The following TMEM132B variants were observed in gnomAD, a reference collection of about 807,000 sequenced individuals.
TMEM132B encodes the protein transmembrane protein 132B.
In TMEM132B, 18 loss-of-function variants were observed where a neutral mutation model predicts 90.8. The observed-to-expected ratio is 0.20, with a 90% confidence interval of 0.14 to 0.29. The LOEUF is 0.29. TMEM132B is among the 10% of genes least tolerant of loss of function. The pLI is 1.00. For missense variants in TMEM132B, 1,096 were observed against 1,326.8 expected, an observed-to-expected ratio of 0.83 and a Z score of 2.70; for synonymous variants, 504 against 523.3, an observed-to-expected ratio of 0.96 and a Z score of 0.50.
chr12:125,369,880 C>T (rs1189547293), intron 2 of TMEM132B, among the ~76,000 whole-genome samples: 1 of 152,046 alleles, frequency 6.6e-6, no homozygotes, highest in Admixed American at 6.5e-5. Context: ...GAAACCCTGT[C>T]TCTACTAAAA....
At chr12:125,515,782 C>T (rs1883133944) in intron 3 of TMEM132B, among the ~76,000 whole-genome samples, 1 of 151,312 alleles carries the variant, frequency 6.6e-6, no homozygotes, top group African/African-American at 2.4e-5. Context: ...ATTTGCACAT[C>T]TCTTTCACAT....
In TMEM132B at chr12:125,429,515, T is replaced by C. The variant is rs374930648; in HGVS notation, c.1106+13838T>C. Among the ~76,000 whole-genome samples the C allele has an allele frequency of 5.9e-5, 9 of 152,138 alleles. No homozygotes were observed. In the East Asian group the frequency reaches 1.7e-3, roughly 29 times the overall value. On this transcript the variant is annotated intron_variant, in intron 3 of 8. Transcript: ENST00000682704. ...GCCACCGTGCCCGGCCCTAATGTCC[T>C]CTTTCTGTTCTAGGATCCCACATGA...
rs116173185 is a variant in TMEM132B, at chr12:125,344,718, T to C, written c.68-4734T>C. Reference sequence around the variant, plus strand: ...GCATGAGTGGAATGGCTGAAGTTGCTGGTCAGCTCAGAGAAGGTGTCTCTG... The same window carrying C: ...GCATGAGTGGAATGGCTGAAGTTGCCGGTCAGCTCAGAGAAGGTGTCTCTG... On this transcript the variant is annotated intron_variant, in intron 1 of 8. Coordinates refer to ENST00000682704, the MANE Select transcript of TMEM132B (RefSeq NM_001366854.1). 7.5e-3 allele frequency among the ~76,000 whole-genome samples: 1,139 copies of C among 152,228 alleles called. 22 individuals carry two copies. Among genetic ancestry groups the C allele is most frequent in the South Asian group, 0.051 (244 of 4,810 alleles).
In TMEM132B at chr12:125,653,989, G is replaced by A. The variant is rs773624804; in HGVS notation, c.2531G>A (p.Gly844Asp). Residue 844 changes from glycine (G) to aspartate (D), a missense_variant, in exon 9 of 9, where the codon GGC (glycine) becomes GAC (aspartate). Physicochemically the swap from Gly to Asp is moderately conservative, Grantham distance 94. Coordinates refer to ENST00000682704, the MANE Select transcript of TMEM132B (RefSeq NM_001366854.1). ...QEWFHRGTPV[G>D]QEESTNKSTT... is the part of the protein sequence containing the mutation. ...TGGTTCCACCGTGGCACACCTGTTGGCCAAGAGGAAAGTACCAACAAAAGC... is the reference window on the plus strand; with the variant it reads ...TGGTTCCACCGTGGCACACCTGTTGACCAAGAGGAAAGTACCAACAAAAGC... The A allele has an allele frequency of 6.2e-7, 1 of 1,614,164 alleles. No homozygotes were observed. The highest frequency in any genetic ancestry group is 8.5e-7 in the Non-Finnish European group (1 of 1,180,032).
At chr12:125,609,405 C>T (rs1171882134) in intron 5 of TMEM132B, among the ~76,000 whole-genome samples, 2 of 152,050 alleles carry the variant, frequency 1.3e-5, no homozygotes, top group Non-Finnish European at 2.9e-5. Context: ...GCTGCATTTC[C>T]TTATGAATAA....
At chr12:125,210,280 T>A (rs1873290458) in intron 1 of TMEM132B, among the ~76,000 whole-genome samples, 1 of 152,078 alleles carries the variant, frequency 6.6e-6, no homozygotes, top group Non-Finnish European at 1.5e-5. Flanking sequence ...ATTGCAGGGC[T>A]ATCTGCGGGA....
intron 1 of TMEM132B, among the ~76,000 whole-genome samples, chr12:125,337,155 A>G (rs549744253): frequency 6.6e-6 from 1 of 152,316 alleles, no homozygotes; most frequent in East Asian, 1.9e-4. Context: ...CTTGCTCACA[A>G]AAACACAGTT....
chr12:125,519,252 C>G (rs964996), intron 3 of TMEM132B, among the ~76,000 whole-genome samples, 187 bp from the exon 4 acceptor site: 46,336 of 152,022 alleles, frequency 0.3, 10,301 homozygotes, highest in East Asian at 0.74. Context: ...GATCGTCAGC[C>G]TATTCTGAGG....
At chr12:125,614,236 A>C (rs1885930781) in intron 5 of TMEM132B, among the ~76,000 whole-genome samples, 1 of 152,128 alleles carries the variant, frequency 6.6e-6, no homozygotes, top group Non-Finnish European at 1.5e-5. Context: ...GGTAGTGAGA[A>C]TAGTGCCTGA....
intron 3 of TMEM132B, among the ~76,000 whole-genome samples, chr12:125,506,981 G>T (rs1450329477): frequency 6.6e-6 from 1 of 152,224 alleles, no homozygotes; most frequent in Non-Finnish European, 1.5e-5. Context: ...CCAAACTTCT[G>T]CAGGGCAGAG....
intron 4 of TMEM132B, among the ~76,000 whole-genome samples, chr12:125,541,886 G>A (rs551324829): frequency 4.6e-5 from 7 of 151,760 alleles, no homozygotes; most frequent in Non-Finnish European, 7.4e-5. Context: ...TTAGCCGGGC[G>A]TGGTGGCGGG....
chr12:125,194,772 G>A (rs866846286), intron 1 of TMEM132B, among the ~76,000 whole-genome samples: 70 of 152,074 alleles, frequency 4.6e-4, no homozygotes, highest in African/African-American at 1.6e-3. Flanking sequence ...TGTTTTTTGC[G>A]AGTCTCTAGG....
At chr12:125,476,274 C>T (rs766975722) in intron 3 of TMEM132B, among the ~76,000 whole-genome samples, 10 of 152,228 alleles carry the variant, frequency 6.6e-5, no homozygotes, top group Non-Finnish European at 1.3e-4. Context: ...AGTTCCAGGA[C>T]ATTTTAAGCA....
In TMEM132B at chr12:125,293,817, T is replaced by C. The variant is rs1447589184; in HGVS notation, c.68-55635T>C. ...ACCCCTTGAGAGGTGTGGGGGTCTA[T>C]GTCCCCTCCCCCTGAATTGGGGCTG... On this transcript the variant is annotated intron_variant, in intron 1 of 8. Transcript: ENST00000682704. 3.3e-5 allele frequency among the ~76,000 whole-genome samples: 5 copies of C among 152,218 alleles called. No homozygotes were observed. The East Asian group carries it at 9.6e-4, about 29-fold the overall frequency.
chr12:125,219,488 G>A (rs1873512587), intron 1 of TMEM132B, among the ~76,000 whole-genome samples: 1 of 152,154 alleles, frequency 6.6e-6, no homozygotes, highest in Non-Finnish European at 1.5e-5. Flanking sequence ...CCTTCCCCTA[G>A]GCACAATAAA....
intron 4 of TMEM132B, among the ~76,000 whole-genome samples, chr12:125,528,728 C>T (rs1883561379): frequency 6.6e-6 from 1 of 152,198 alleles, no homozygotes; most frequent in Admixed American, 6.5e-5. Flanking sequence ...GAAAACTTAA[C>T]TACTAATAGA....
At chr12:125,587,192 A>AC (rs1284258534) in intron 5 of TMEM132B, 2 of 117,958 alleles carry the variant, frequency 1.7e-5, no homozygotes, top group Non-Finnish European at 3.6e-5. Context: ...AAAAAAAAAA[A>AC]AAACAAGTAG....
intron 5 of TMEM132B, among the ~76,000 whole-genome samples, chr12:125,625,955 C>G (rs527856519): frequency 6.6e-6 from 1 of 152,262 alleles, no homozygotes; most frequent in Non-Finnish European, 1.5e-5. Flanking sequence ...ATCCTCTTCC[C>G]TAATGAAATG....
chr12:125,300,130 T>C (rs1447520032), intron 1 of TMEM132B, among the ~76,000 whole-genome samples: 2 of 151,868 alleles, frequency 1.3e-5, no homozygotes, highest in African/African-American at 2.4e-5. Context: ...TTCTTCACGA[T>C]CACCCCACCT....
Sources: allele counts gnomAD v4.1 joint callset (sites outside exome capture counted in the v4.1 genomes callset), GRCh38; gene constraint gnomAD v4.1.1; transcripts MANE v1.5; gene names NCBI Gene and HGNC (gene_info 2026-07-23, HGNC 2026-07-21).